CHRFAM7A: variants seen among roughly 807,000 people sequenced by gnomAD.
CHRFAM7A encodes CHRNA7-FAM7A fusion protein.
CHRFAM7A carries 3 observed loss-of-function variants against 29.2 expected under a neutral mutation model. The observed-to-expected ratio is 0.10, with a 90% CI of 0.05 to 0.27. The LOEUF (loss-of-function observed/expected upper bound fraction) is 0.27. Ranked by LOEUF, CHRFAM7A falls within the 10% of genes least tolerant of loss-of-function variation. The pLI is 1.00. For synonymous variants in CHRFAM7A, 7 were observed against 135.4 expected (o/e 0.05, Z 6.58); for missense variants, 22 against 328.0 (o/e 0.07, Z 7.21).
At chr15:30,368,958 A>C (rs1238558209) in intron 8 of CHRFAM7A, among the ~76,000 whole-genome samples, 1 of 133,626 alleles carries the variant, frequency 7.5e-6, no homozygotes, top group East Asian at 2.2e-4. Context: ...AACTCACTGT[A>C]GGACGCCCAG....
At chr15:30,375,732 AGTGGTGAGTGGTGTGTGG>A (rs1233015396) in intron 5 of CHRFAM7A, among the ~76,000 whole-genome samples, 7 of 130,168 alleles carry the variant, frequency 5.4e-5, no homozygotes, top group Admixed American at 1.5e-4. Context: ...GTATGTGTGG[AGTGGTGAGTGGTGTGTGG>A]GTGGTATATT....
chr15:30,370,932 T>C (rs994448758), intron 8 of CHRFAM7A, among the ~76,000 whole-genome samples, 166 bp downstream of exon 8: 1 of 151,780 alleles, frequency 6.6e-6, no homozygotes, highest in African/African-American at 2.4e-5. Context: ...CCCCTTCCCC[T>C]TACTTGGGCC....
chr15:30,378,074 A>G (rs2058951394), intron 4 of CHRFAM7A, among the ~76,000 whole-genome samples: 1 of 38,060 alleles, frequency 2.6e-5, no homozygotes, highest in African/African-American at 1.1e-4. Flanking sequence ...AGTCACAAAG[A>G]TATTTACTGC....
rs542002172 is a variant in CHRFAM7A at position 30,377,895 on chromosome 15, T to C, written c.81-786A>G. Among the ~76,000 whole-genome samples the C allele has an allele frequency of 1.0e-4, 14 of 136,468 alleles. No individual in the cohort carries two copies. The Admixed American group carries it at 1.1e-3, about 10-fold the overall frequency. The allele number at this position is 136,468 out of a possible 152,430, so 89.5% of individuals were successfully genotyped here. On this transcript the variant is annotated intron_variant, in intron 4 of 9. Coordinates refer to ENST00000299847, the MANE Select transcript of CHRFAM7A (RefSeq NM_139320.2). Reference sequence around the variant, plus strand: ...ATTTTAAAGTTACAGTATTACACTATTACTATATATGAATTATACCTCATA... The same window carrying C: ...ATTTTAAAGTTACAGTATTACACTACTACTATATATGAATTATACCTCATA...
chr15:30,366,564 CT>C (rs1468605572), intron 9 of CHRFAM7A, among the ~76,000 whole-genome samples: 1 of 131,718 alleles, frequency 7.6e-6, no homozygotes, highest in Non-Finnish European at 1.6e-5. Flanking sequence ...GGATGCCATC[CT>C]TTCTGTTTTC....
intron 9 of CHRFAM7A, 61 bp downstream of exon 9, chr15:30,367,357 C>A (rs1476632874): frequency 1.3e-6 from 2 of 1,567,940 alleles, no homozygotes; most frequent in Non-Finnish European, 1.7e-6. Context: ...TAAAAATAAA[C>A]CCTAGGAGGA....
chr15:30,373,926 T>C (rs1400551385), intron 5 of CHRFAM7A, among the ~76,000 whole-genome samples: 1 of 136,678 alleles, frequency 7.3e-6, no homozygotes, highest in Non-Finnish European at 1.6e-5. Flanking sequence ...ATCGAGCCCC[T>C]GCACTCCAGC....
In CHRFAM7A at chr15:30,360,575, A is replaced by G. The variant is rs1451984133; in HGVS notation, c.*1718T>C. ...AAATGAGTGAGCCAGATGGCTGGAAAAGCACATACAATTTATTTAACTCTG... is the reference window on the plus strand; with the variant it reads ...AAATGAGTGAGCCAGATGGCTGGAAGAGCACATACAATTTATTTAACTCTG... On this transcript the variant is annotated 3_prime_UTR_variant, in exon 10 of 10. Coordinates refer to ENST00000299847, the MANE Select transcript of CHRFAM7A (RefSeq NM_139320.2). The G allele has an allele frequency of 3.7e-5, 2 of 54,220 alleles. No individual in the cohort carries two copies. The highest frequency in any genetic ancestry group is 1.4e-4 in the African/African-American group (2 of 14,506). 3.4% of individuals were successfully genotyped at this position (54,220 alleles called of 1,614,324 possible).
intron 8 of CHRFAM7A, 27 bp downstream of exon 8, chr15:30,371,070 TA>T: frequency 2.2e-6 from 2 of 911,420 alleles, no homozygotes; most frequent in East Asian, 2.4e-5. Context: ...CCCATATCTC[TA>T]AGAGAGGAGC....
chr15:30,368,615 A>ACCTCC (rs2058821829), intron 8 of CHRFAM7A, among the ~76,000 whole-genome samples: 1 of 60,096 alleles, frequency 1.7e-5, no homozygotes, highest in African/African-American at 6.3e-5. Flanking sequence ...AGTGCTGAAC[A>ACCTCC]CGGGGAGGTG....
chr15:30,373,978 AAAAC>A (rs139651987), intron 5 of CHRFAM7A, among the ~76,000 whole-genome samples: 21,425 of 140,342 alleles, frequency 0.15, 1,575 homozygotes, highest in Non-Finnish European at 0.2. Flanking sequence ...AAAAAAAGTT[AAAAC>A]AAACAAACAA....
chr15:30,369,328 A>C (rs1176509064), intron 8 of CHRFAM7A, among the ~76,000 whole-genome samples: 1 of 149,612 alleles, frequency 6.7e-6, no homozygotes, highest in Middle Eastern at 3.2e-3. Context: ...CTCCATTAAA[A>C]TAGGAACTTC....
Position 30,375,927 on chromosome 15 carries a change from G to GA in CHRFAM7A, c.160+1102_160+1103insT, listed in dbSNP as rs1567403637. On this transcript the variant is annotated intron_variant, in intron 5 of 9. Transcript: ENST00000299847. ...GAGTGGTTGTGTGAGTGGTGTGTGT[G>GA]TTGAGTCGTGTGGGTGGTATGTGAG... Among the ~76,000 whole-genome samples, 156 of 20,828 alleles carry GA rather than the reference G, an allele frequency of 7.5e-3. 6 individuals are homozygous for GA. Among genetic ancestry groups the GA allele is most frequent in the East Asian group, 0.015 (10 of 686 alleles). 13.7% of individuals were successfully genotyped at this position (20,828 alleles called of 152,430 possible).
intron 8 of CHRFAM7A, 135 bp downstream of exon 8, chr15:30,370,963 C>G (rs1347429525): frequency 7.3e-6 from 11 of 1,497,222 alleles, no homozygotes; most frequent in African/African-American, 2.8e-5. Flanking sequence ...TGAATAGTTA[C>G]AGCAAATCAT....
intron 9 of CHRFAM7A, among the ~76,000 whole-genome samples, 161 bp downstream of exon 9, chr15:30,367,257 G>A (rs1387758155): frequency 6.6e-6 from 1 of 151,242 alleles, no homozygotes; most frequent in Non-Finnish European, 1.5e-5. Flanking sequence ...CTGCACTCCA[G>A]CCTGGGTGAC....
intron 1 of CHRFAM7A, among the ~76,000 whole-genome samples, chr15:30,388,768 TG>T (rs1334560581): frequency 9.0e-6 from 1 of 110,550 alleles, no homozygotes; most frequent in East Asian, 3.7e-4. Flanking sequence ...AATATCAAAA[TG>T]TATGAGATGT....
intron 5 of CHRFAM7A, among the ~76,000 whole-genome samples, chr15:30,375,885 TCGTGTGGGTGG>T (rs2058925254): frequency 2.4e-5 from 1 of 41,802 alleles, no homozygotes; most frequent in African/African-American, 7.2e-5. Flanking sequence ...GTGTGTTGAG[TCGTGTGGGTGG>T]TATGTGAGTG....
Position 30,377,891 on chromosome 15 carries a change from A to G in CHRFAM7A, c.81-782T>C, listed in dbSNP as rs528686742. Among the ~76,000 whole-genome samples, 58 of 137,572 alleles carry G rather than the reference A, an allele frequency of 4.2e-4. 2 individuals are homozygous for G. Among genetic ancestry groups the G allele is most frequent in the African/African-American group, 1.6e-3 (57 of 35,338 alleles). The allele number at this position is 137,572 out of a possible 152,430, so 90.3% of individuals were successfully genotyped here. A position where few individuals can be genotyped will look rare whatever the true frequency, so the allele number is the denominator to read the frequency against. ...ACACATTTTAAAGTTACAGTATTAC[A>G]CTATTACTATATATGAATTATACCT... On this transcript the variant is annotated intron_variant, in intron 4 of 9. Coordinates refer to ENST00000299847, the MANE Select transcript of CHRFAM7A (RefSeq NM_139320.2).
At chr15:30,374,466 TC>T (rs1180517219) in intron 5 of CHRFAM7A, among the ~76,000 whole-genome samples, 1 of 129,938 alleles carries the variant, frequency 7.7e-6, no homozygotes, top group Non-Finnish European at 1.6e-5. Context: ...AATAGTTGGA[TC>T]CCCCCAAAAC....
Sources: gnomAD v4.1 joint callset for allele counts (sites outside exome capture counted in the v4.1 genomes callset) on GRCh38, gnomAD v4.1.1 for gene constraint, MANE v1.5 for transcripts, NCBI Gene and HGNC (gene_info 2026-07-23, HGNC 2026-07-21) for gene names.